The following DNAJC27 variants were observed in gnomAD, a reference collection of about 807,000 sequenced individuals.
DNAJC27 encodes dnaJ homolog subfamily C member 27.
In DNAJC27, 25 loss-of-function variants were observed where a neutral mutation model predicts 31.4. The ratio of observed to expected loss-of-function variants is 0.80; its 90% CI spans 0.58 to 1.11. The LOEUF (loss-of-function observed/expected upper bound fraction) is 1.11, where lower values mean the gene tolerates loss of function less well. Ranked by LOEUF, DNAJC27 falls within the 50% of genes most tolerant of loss-of-function variation. DNAJC27 has a pLI of 0.00. For missense variants in DNAJC27, 356 were observed against 347.3 expected, an observed-to-expected ratio of 1.02 and a Z score of -0.20; for synonymous variants, 106 against 112.7, an observed-to-expected ratio of 0.94 and a Z score of 0.37.
chr2:24,954,635 T>A (rs1665861031), intron 5 of DNAJC27, among the ~76,000 whole-genome samples: 1 of 152,180 alleles, frequency 6.6e-6, no homozygotes. Context: ...TAAACATTCT[T>A]CAATCAAGAA....
At position 24,957,010 on chromosome 2, in the gene DNAJC27, C is replaced by T. The variant is rs201935973; in HGVS notation, c.528+33G>A. On this transcript the variant is annotated intron_variant, in intron 5 of 6. Transcript: ENST00000264711. ...CTGAAAATTGGCACAGTGGCCTTGA[C>T]ACAAACCTTAAAACAACAAAATGCT... The T allele has an allele frequency of 6.0e-5, 95 of 1,591,860 alleles. No homozygotes were observed. The Middle Eastern group carries it at 8.3e-4, about 14-fold the overall frequency.
At position 24,958,440 on chromosome 2, in the gene DNAJC27, G is replaced by A. The variant is rs556630839; in HGVS notation, c.241-466C>T. On this transcript the variant is annotated intron_variant, in intron 3 of 6. Transcript: ENST00000264711. ...GCTAGGCAGAGCTTCCCTGACTCTC[G>A]GGTCTGCACACCAACTTTAGAACTC... 6.3e-5 allele frequency: 13 copies of A among 206,208 alleles called. No individual in the cohort carries two copies. The East Asian group carries it at 6.9e-4, about 11-fold the overall frequency. The allele number at this position is 206,208 out of a possible 1,614,324, so 12.8% of individuals were successfully genotyped here. A position where few individuals can be genotyped will look rare whatever the true frequency, so the allele number is the denominator to read the frequency against.
Position 24,944,126 on chromosome 2 carries a change from T to C in DNAJC27, c.*3490A>G, listed in dbSNP as rs1665589840. On this transcript the variant is annotated 3_prime_UTR_variant, in exon 7 of 7. Coordinates refer to ENST00000264711, the MANE Select transcript of DNAJC27 (RefSeq NM_016544.3). ...AAAGTGGTTAGCTATATTTTGCAGC[T>C]AAGTTCATTTTCAAAAGTTTTACAA... The C allele has an allele frequency of 6.6e-6, 1 of 152,258 alleles. No homozygotes were observed. The allele number at this position is 152,258 out of a possible 1,614,324, so 9.4% of individuals were successfully genotyped here.
At chr2:24,965,731 T>A (rs1666165467) in intron 2 of DNAJC27, among the ~76,000 whole-genome samples, 1 of 152,164 alleles carries the variant, frequency 6.6e-6, no homozygotes, top group African/African-American at 2.4e-5. Flanking sequence ...GGGGCCACTT[T>A]AAAAAGCCAT....
At chr2:24,957,787 C>A in intron 4 of DNAJC27, 23 bp downstream of exon 4, 5 of 1,607,074 alleles carry the variant, frequency 3.1e-6, no homozygotes. Context: ...GAAATCTGAA[C>A]ACACCATTTC....
At chr2:24,962,256 T>G (rs779705104) in intron 3 of DNAJC27, among the ~76,000 whole-genome samples, 1 of 152,072 alleles carries the variant, frequency 6.6e-6, no homozygotes, top group Non-Finnish European at 1.5e-5. Context: ...TTGTTTGTTT[T>G]TGAATAACAC....
At chr2:24,960,931 T>A (rs1168822823) in intron 3 of DNAJC27, among the ~76,000 whole-genome samples, 2 of 152,268 alleles carry the variant, frequency 1.3e-5, no homozygotes, top group Non-Finnish European at 2.9e-5. Context: ...CTAAGATCAT[T>A]GATGAAGGTG....
At chr2:24,960,356 C>G (rs1042153296) in intron 3 of DNAJC27, among the ~76,000 whole-genome samples, 2 of 152,200 alleles carry the variant, frequency 1.3e-5, no homozygotes, top group Non-Finnish European at 2.9e-5. Context: ...CTCTCCCACT[C>G]CTGGAGCCTT....
chr2:24,954,660 G>C (rs1380525995), intron 5 of DNAJC27, among the ~76,000 whole-genome samples: 1 of 152,218 alleles, frequency 6.6e-6, no homozygotes, highest in East Asian at 1.9e-4. Context: ...TAGTCAGGCT[G>C]GGTGCGGTGG....
intron 2 of DNAJC27, among the ~76,000 whole-genome samples, chr2:24,964,986 T>A (rs1185186407): frequency 6.6e-6 from 1 of 151,998 alleles, no homozygotes; most frequent in Non-Finnish European, 1.5e-5. Flanking sequence ...GGTGGACGGA[T>A]CACGAGGTCA....
intron 3 of DNAJC27, among the ~76,000 whole-genome samples, chr2:24,961,219 T>C (rs1666032096): frequency 6.6e-6 from 1 of 152,108 alleles, no homozygotes; most frequent in Admixed American, 6.6e-5. Flanking sequence ...AACAGCAAGG[T>C]CTGGATGACA....
intron 5 of DNAJC27, among the ~76,000 whole-genome samples, chr2:24,952,738 C>T (rs993360400): frequency 6.6e-6 from 1 of 152,078 alleles, no homozygotes; most frequent in Non-Finnish European, 1.5e-5. Context: ...GACAGAGTGC[C>T]TACTTCTCCA....
Position 24,945,712 on chromosome 2 carries a change from CAT to C in DNAJC27, c.*1902_*1903del, listed in dbSNP as rs1347880294. On this transcript the variant is annotated 3_prime_UTR_variant, in exon 7 of 7. Coordinates refer to ENST00000264711, the MANE Select transcript of DNAJC27 (RefSeq NM_016544.3). Reference sequence around the variant, plus strand: ...CAGAGGAAAACCTCGCAAGAAATAACATATATCAATCAGTTCATTTAAAAAGT... The same window carrying C: ...CAGAGGAAAACCTCGCAAGAAATAACATATCAATCAGTTCATTTAAAAAGT... 1 of 152,220 alleles carries C rather than the reference CAT, an allele frequency of 6.6e-6. No homozygotes were observed. Among genetic ancestry groups the C allele is most frequent in the African/African-American group, 2.4e-5 (1 of 41,458 alleles). 9.4% of individuals were successfully genotyped at this position (152,220 alleles called of 1,614,324 possible).
chr2:24,957,726 A>AT (rs1665941709), intron 4 of DNAJC27, 84 bp downstream of exon 4: 1 of 1,296,990 alleles, frequency 7.7e-7, no homozygotes, highest in East Asian at 2.3e-5. Context: ...ACAATAAGGA[A>AT]TTTTTCTTTT....
chr2:24,968,536 G>A lies in DNAJC27; in HGVS notation c.88-1243C>T, dbSNP rs892246242. 1.7e-4 allele frequency among the ~76,000 whole-genome samples: 26 copies of A among 150,830 alleles called. 1 individual carries two copies. Among genetic ancestry groups the A allele is most frequent in the African/African-American group, 5.8e-4 (24 of 41,132 alleles). ...TTATTATTATTTTTTTTGTAGAGAC[G>A]GGGTTTCACCATGTTGGCCAGGATG... On this transcript the variant is annotated intron_variant, in intron 1 of 6. Transcript: ENST00000264711.
chr2:24,950,901 T>C (rs1370521364), intron 6 of DNAJC27, among the ~76,000 whole-genome samples: 1 of 150,612 alleles, frequency 6.6e-6, no homozygotes, highest in Non-Finnish European at 1.5e-5. Context: ...ATGAGGAACT[T>C]GCAGGGCTTT....
Position 24,946,554 on chromosome 2 carries a change from T to C in DNAJC27, c.*1062A>G, listed in dbSNP as rs1448911557. Reference sequence around the variant, plus strand: ...TTTCTCACCTGCCTGTGGCAAAGGCTGGCAGTAAGACAAGGGCTAAGCCTC... The same window carrying C: ...TTTCTCACCTGCCTGTGGCAAAGGCCGGCAGTAAGACAAGGGCTAAGCCTC... On this transcript the variant is annotated 3_prime_UTR_variant, in exon 7 of 7. Coordinates refer to ENST00000264711, the MANE Select transcript of DNAJC27 (RefSeq NM_016544.3). 1 of 152,284 alleles carries C rather than the reference T, an allele frequency of 6.6e-6. No individual in the cohort carries two copies. The highest frequency in any genetic ancestry group is 1.5e-5 in the Non-Finnish European group (1 of 68,074). 9.4% of individuals were successfully genotyped at this position (152,284 alleles called of 1,614,324 possible). A position where few individuals can be genotyped will look rare whatever the true frequency, so the allele number is the denominator to read the frequency against.
At chr2:24,948,586 CAG>C (rs1305107017) in intron 6 of DNAJC27, among the ~76,000 whole-genome samples, 2 of 152,164 alleles carry the variant, frequency 1.3e-5, no homozygotes, top group Non-Finnish European at 2.9e-5. Flanking sequence ...CAGTATTATC[CAG>C]AGAGGAAAGG....
At chr2:24,960,100 A>G (rs966636414) in intron 3 of DNAJC27, among the ~76,000 whole-genome samples, 9 of 152,190 alleles carry the variant, frequency 5.9e-5, no homozygotes, top group African/African-American at 2.2e-4. Context: ...AAGTCAAGCA[A>G]GTCTATTGAT....
Sources: gnomAD v4.1 joint callset for allele counts (sites outside exome capture counted in the v4.1 genomes callset) on GRCh38, gnomAD v4.1.1 for gene constraint, MANE v1.5 for transcripts, NCBI Gene and HGNC (gene_info 2026-07-23, HGNC 2026-07-21) for gene names.